The following CDH13 variants were observed in gnomAD, a reference collection of about 807,000 sequenced individuals.
CDH13 encodes cadherin-13.
CDH13 carries 24 observed loss-of-function variants against 63.8 expected under a neutral mutation model. That is an observed-to-expected ratio of 0.38 (90% CI 0.27 to 0.53). CDH13 has a LOEUF of 0.53. CDH13 is among the 20% of genes least tolerant of loss of function. The probability of loss-of-function intolerance (pLI) is 0.85; values close to 1 mark genes in which losing one functional copy is unlikely to be tolerated. For synonymous variants in CDH13, 503 were observed against 355.3 expected, an observed-to-expected ratio of 1.42 and a Z score of -4.67; for missense variants, 1,049 against 903.1, an observed-to-expected ratio of 1.16 and a Z score of -2.07.
At chr16:82,851,676 C>CGTGT (rs3046491) in intron 1 of CDH13, among the ~76,000 whole-genome samples, 37 of 149,822 alleles carry the variant, frequency 2.5e-4, no homozygotes, top group African/African-American at 7.8e-4. Flanking sequence ...CATGTGTGTA[C>CGTGT]GTGTGTGTGT....
chr16:83,525,827 A>G (rs2074947645), intron 7 of CDH13, among the ~76,000 whole-genome samples: 1 of 152,156 alleles, frequency 6.6e-6, no homozygotes, highest in African/African-American at 2.4e-5. Flanking sequence ...GAAGAAGAGA[A>G]CGGGACAGAT....
intron 7 of CDH13, among the ~76,000 whole-genome samples, chr16:83,534,338 C>A (rs1016416099): frequency 1.3e-5 from 2 of 152,174 alleles, no homozygotes; most frequent in Non-Finnish European, 2.9e-5. Flanking sequence ...TGGCTAGGTT[C>A]TTTGACCTCT....
At chr16:82,880,283 G>T (rs955662362) in intron 2 of CDH13, among the ~76,000 whole-genome samples, 1 of 152,074 alleles carries the variant, frequency 6.6e-6, no homozygotes, top group Non-Finnish European at 1.5e-5. Context: ...CCGGCTTTCA[G>T]CAAGCTACGT....
At position 83,486,599 on chromosome 16, in the gene CDH13, G is replaced by A. The variant is rs1002354559; in HGVS notation, c.904G>A (p.Asp302Asn). The change falls in exon 7 of 14, where the codon GAT (aspartate) becomes AAT (asparagine). Residue 302 changes from aspartate to asparagine, a missense_variant. Physicochemically the swap from Asp to Asn is conservative, Grantham distance 23. Transcript: ENST00000567109. ...DKPSPNMFYIDPEKGDIVTVV... is the reference protein window; with the variant it reads ...DKPSPNMFYINPEKGDIVTVV... The stretch of plus-strand genomic sequence containing the variant: ...GCCATCTCCCAACATGTTCTACATC[G>A]ATCCTGAGAAAGGAGACATTGTCAC... 9.3e-6 allele frequency: 15 copies of A among 1,613,762 alleles called. No homozygotes were observed. The highest frequency in any genetic ancestry group is 1.6e-4 in the Middle Eastern group (1 of 6,084).
chr16:83,347,039 C>A (rs1316726193), intron 6 of CDH13, among the ~76,000 whole-genome samples: 1 of 152,118 alleles, frequency 6.6e-6, no homozygotes, highest in Non-Finnish European at 1.5e-5. Flanking sequence ...GATTTGGGAT[C>A]CAGAATGTGG....
chr16:83,381,573 A>G (rs951852313), intron 6 of CDH13, among the ~76,000 whole-genome samples: 15 of 151,918 alleles, frequency 9.9e-5, no homozygotes, highest in African/African-American at 3.6e-4. Context: ...CCAATTATTA[A>G]GCAGCAATTA....
At chr16:82,983,860 C>G (rs575177249) in intron 2 of CDH13, among the ~76,000 whole-genome samples, 1 of 152,158 alleles carries the variant, frequency 6.6e-6, no homozygotes, top group African/African-American at 2.4e-5. Flanking sequence ...GCTCATGGAC[C>G]TTTCAGCAGA....
chr16:83,606,295 A>G (rs1908322918), intron 8 of CDH13, among the ~76,000 whole-genome samples: 1 of 152,236 alleles, frequency 6.6e-6, no homozygotes, highest in African/African-American at 2.4e-5. Context: ...TTTAAATTCT[A>G]TCTTACATGA....
At position 83,281,193 on chromosome 16, in the gene CDH13, C is replaced by A. The variant is rs567893975; in HGVS notation, c.637-63669C>A. On this transcript the variant is annotated intron_variant, in intron 5 of 13. Coordinates refer to ENST00000567109, the MANE Select transcript of CDH13 (RefSeq NM_001257.5). ...TAGCCACTTTCATCAACGATCTTAG[C>A]TGGATCTTCTGGATATCTTGCTGCA... 2.5e-4 allele frequency among the ~76,000 whole-genome samples: 38 copies of A among 152,356 alleles called. No homozygotes were observed. In the South Asian group the frequency reaches 7.0e-3, roughly 28 times the overall value.
rs148615847 is a variant in CDH13 at position 83,102,208 on chromosome 16, G to T, written c.367-23177G>T. Among the ~76,000 whole-genome samples, 312 of 152,326 alleles carry T rather than the reference G, an allele frequency of 2.0e-3. 3 individuals carry two copies. The highest frequency in any genetic ancestry group is 7.2e-3 in the African/African-American group (298 of 41,578). ...CATCTTCCAGAAGGAACACAGTTCTGATGACACCTTGATTTTAGCACAGGA... is the reference window on the plus strand; with the variant it reads ...CATCTTCCAGAAGGAACACAGTTCTTATGACACCTTGATTTTAGCACAGGA... On this transcript the variant is annotated intron_variant, in intron 3 of 13. Transcript: ENST00000567109.
chr16:82,840,858 G>A (rs2038981611), intron 1 of CDH13, among the ~76,000 whole-genome samples: 2 of 152,298 alleles, frequency 1.3e-5, no homozygotes, highest in South Asian at 4.1e-4. Context: ...GTTCAAGGAA[G>A]ACTCTTTTCC....
chr16:82,653,956 C>T (rs1204082614), intron 1 of CDH13, among the ~76,000 whole-genome samples: 1 of 152,116 alleles, frequency 6.6e-6, no homozygotes, highest in Non-Finnish European at 1.5e-5. Context: ...TGCTAATTAA[C>T]TGTACGGGGT....
intron 6 of CDH13, among the ~76,000 whole-genome samples, chr16:83,471,450 A>G (rs947540797): frequency 4.6e-5 from 7 of 151,974 alleles, no homozygotes; most frequent in East Asian, 1.9e-4. Context: ...AATTTTTTGT[A>G]TTTTTAGTAC....
intron 6 of CDH13, among the ~76,000 whole-genome samples, chr16:83,380,912 G>T (rs1384406083): frequency 1.3e-5 from 2 of 151,036 alleles, no homozygotes; most frequent in African/African-American, 2.4e-5. Context: ...CCACAAAAAT[G>T]CCCTCATCCT....
chr16:83,201,332 T>C (rs2039023033), intron 4 of CDH13, among the ~76,000 whole-genome samples: 1 of 151,910 alleles, frequency 6.6e-6, no homozygotes, highest in African/African-American at 2.4e-5. Flanking sequence ...TGTCAGGAAG[T>C]ATGTCAGGTA....
intron 5 of CDH13, among the ~76,000 whole-genome samples, chr16:83,340,925 G>T (rs1445324061): frequency 6.6e-6 from 1 of 152,014 alleles, no homozygotes; most frequent in Admixed American, 6.6e-5. Context: ...GTCAACCATT[G>T]AATCTAAGAA....
intron 2 of CDH13, among the ~76,000 whole-genome samples, chr16:82,874,575 C>T (rs1207012444): frequency 6.6e-6 from 1 of 152,072 alleles, no homozygotes; most frequent in Non-Finnish European, 1.5e-5. Flanking sequence ...CCCAGAGGAT[C>T]TATTTTTAGC....
chr16:82,778,833 C>T (rs1417870130), intron 1 of CDH13, among the ~76,000 whole-genome samples: 1 of 152,098 alleles, frequency 6.6e-6, no homozygotes, highest in African/African-American at 2.4e-5. Context: ...TTCCTTAATT[C>T]CATGGTGGAT....
intron 2 of CDH13, among the ~76,000 whole-genome samples, chr16:82,866,385 T>C (rs985489006): frequency 2.9e-5 from 3 of 104,700 alleles, no homozygotes; most frequent in East Asian, 2.5e-4. Context: ...TTCTTTTTTT[T>C]TTTTTTTTTT....
Sources: allele counts gnomAD v4.1 joint callset (sites outside exome capture counted in the v4.1 genomes callset), GRCh38; gene constraint gnomAD v4.1.1; transcripts MANE v1.5; gene names NCBI Gene and HGNC (gene_info 2026-07-23, HGNC 2026-07-21).